The following SCTR variants were observed in gnomAD, a reference collection of about 807,000 sequenced individuals.
The protein encoded by SCTR is pancreatic secretin receptor.
Under a neutral mutation model 60.8 loss-of-function variants are expected in SCTR, and 56 were observed. The ratio of observed to expected loss-of-function variants is 0.92; its 90% CI spans 0.74 to 1.15. SCTR has a LOEUF of 1.15. SCTR is among the 50% of genes most tolerant of loss of function. SCTR has a pLI of 0.00. For missense variants in SCTR, 562 were observed against 550.4 expected, an observed-to-expected ratio of 1.02 and a Z score of -0.21; for synonymous variants, 202 against 217.0, an observed-to-expected ratio of 0.93 and a Z score of 0.61.
chr2:119,446,838 T>G lies in SCTR; in HGVS notation c.1061A>C (p.His354Pro), dbSNP rs1317540956. Residue 354 changes from histidine (H) to proline (P), a missense_variant, in exon 11 of 13, where the codon CAC becomes CCC. Physicochemically the swap from His to Pro is moderately conservative, Grantham distance 77. Transcript: ENST00000019103. The stretch of plus-strand genomic sequence containing the variant: ...TGGGGAGAAGGCGAAGACGATGTAG[T>G]GGATGCCAAAGAGGGGGATCAGCAG... ...TLLLIPLFGI[H>P]YIVFAFSPED... 1 of 1,582,792 alleles carries G rather than the reference T, an allele frequency of 6.3e-7. No homozygotes were observed. The highest frequency in any genetic ancestry group is 2.3e-5 in the East Asian group (1 of 42,642).
At chr2:119,441,289 T>G (rs1403852172) in intron 12 of SCTR, among the ~76,000 whole-genome samples, 1 of 152,222 alleles carries the variant, frequency 6.6e-6, no homozygotes, top group African/African-American at 2.4e-5. Flanking sequence ...AAAAAACACT[T>G]TCTCAGACCC....
chr2:119,494,923 T>C (rs1422315924), intron 1 of SCTR, among the ~76,000 whole-genome samples: 4 of 152,180 alleles, frequency 2.6e-5, no homozygotes, highest in African/African-American at 9.7e-5. Flanking sequence ...GTGTTTTTTG[T>C]TTTCTTTGGT....
At chr2:119,490,531 CAT>C (rs993620083) in intron 2 of SCTR, among the ~76,000 whole-genome samples, 2 of 152,238 alleles carry the variant, frequency 1.3e-5, no homozygotes, top group African/African-American at 4.8e-5. Context: ...TCTAAAACTA[CAT>C]GTGTGATTTT....
intron 7 of SCTR, among the ~76,000 whole-genome samples, chr2:119,457,749 A>G (rs77166287): frequency 0.16 from 24,843 of 152,164 alleles, 2,182 homozygotes; most frequent in East Asian, 0.3. Context: ...CTTATCTTCC[A>G]TCATGTGGAG....
At chr2:119,480,059 A>G (rs1677531709) in intron 2 of SCTR, among the ~76,000 whole-genome samples, 1 of 152,254 alleles carries the variant, frequency 6.6e-6, no homozygotes, top group Non-Finnish European at 1.5e-5. Flanking sequence ...ATTCTCGTCC[A>G]TAGGCACAAT....
Position 119,461,842 on chromosome 2 carries a change from C to T in SCTR, c.790+5G>A, listed in dbSNP as rs1490122673. 3 of 1,608,652 alleles carry T rather than the reference C, an allele frequency of 1.9e-6. No individual in the cohort carries two copies. In the African/African-American group the frequency reaches 4.0e-5, roughly 22 times the overall value. On this transcript the variant is annotated splice_donor_5th_base_variant and intron_variant, in intron 7 of 12. Coordinates refer to ENST00000019103, the MANE Select transcript of SCTR (RefSeq NM_002980.3). ...TGCAGATATCAGACCCAGGGAGAAACATACCCCATCCGAATGCCACAAATC... is the reference window on the plus strand; with the variant it reads ...TGCAGATATCAGACCCAGGGAGAAATATACCCCATCCGAATGCCACAAATC...
At chr2:119,442,411 C>T (rs1443432230) in intron 11 of SCTR, among the ~76,000 whole-genome samples, 1 of 152,218 alleles carries the variant, frequency 6.6e-6, no homozygotes, top group Non-Finnish European at 1.5e-5. Flanking sequence ...CCTTCTCTCC[C>T]TTACGGGCCT....
chr2:119,496,366 CTG>C (rs1678345580), intron 1 of SCTR, among the ~76,000 whole-genome samples: 4 of 152,178 alleles, frequency 2.6e-5, no homozygotes, highest in Admixed American at 2.6e-4. Flanking sequence ...GGCCAACTAA[CTG>C]TACTTCTGGG....
intron 2 of SCTR, among the ~76,000 whole-genome samples, chr2:119,483,748 A>G (rs1199604346): frequency 6.6e-6 from 1 of 152,200 alleles, no homozygotes; most frequent in African/African-American, 2.4e-5. Context: ...AGTTTTTTAA[A>G]AGTCCATTGA....
At chr2:119,461,774 C>T (rs1363653044) in intron 7 of SCTR, 73 bp downstream of exon 7, 4 of 1,300,210 alleles carry the variant, frequency 3.1e-6, no homozygotes, top group Non-Finnish European at 2.1e-6. Context: ...AACTAAAAGC[C>T]GAACCCTCCG....
intron 7 of SCTR, among the ~76,000 whole-genome samples, chr2:119,458,074 A>C (rs1558843166): frequency 6.6e-6 from 1 of 151,754 alleles, no homozygotes; most frequent in African/African-American, 2.4e-5. Context: ...CAGGAGGATC[A>C]CTTGAGGCCA....
At chr2:119,464,603 G>T (rs1683755515) in intron 5 of SCTR, among the ~76,000 whole-genome samples, 1 of 152,162 alleles carries the variant, frequency 6.6e-6, no homozygotes, top group South Asian at 2.1e-4. Context: ...TTTTTAATTA[G>T]CTGGGCATGG....
At chr2:119,477,882 A>G (rs1677404361) in intron 3 of SCTR, among the ~76,000 whole-genome samples, 1 of 152,236 alleles carries the variant, frequency 6.6e-6, no homozygotes, top group Admixed American at 6.5e-5. Context: ...CATTTCCCCC[A>G]GTTCCCATAG....
chr2:119,500,182 G>A (rs1235072843), intron 1 of SCTR, among the ~76,000 whole-genome samples: 2 of 149,120 alleles, frequency 1.3e-5, no homozygotes, highest in East Asian at 2.0e-4. Context: ...AAACTAAAAA[G>A]TGTAGTCCTA....
chr2:119,445,351 A>G (rs948953683), intron 11 of SCTR, among the ~76,000 whole-genome samples: 1 of 152,220 alleles, frequency 6.6e-6, no homozygotes, highest in African/African-American at 2.4e-5. Context: ...CCGAGAGGAA[A>G]AGAATCCTGG....
In SCTR at chr2:119,441,574, C is replaced by G; in HGVS notation, c.1166G>C (p.Cys389Ser). The G allele has an allele frequency of 6.2e-7, 1 of 1,613,080 alleles. No homozygotes were observed. The highest frequency in any genetic ancestry group is 8.5e-7 in the Non-Finnish European group (1 of 1,179,440). ...FQGLVVAVLY[C>S]FLNGEVQLEV... ...ACTACTCACCTCCCCATTGAGGAAG[C>G]AGTAGAGGACGGCCACCACCAGTCC... The change falls in exon 12 of 13, where the codon TGC (cysteine) becomes TCC (serine). Residue 389 changes from cysteine (C) to serine (S), a missense_variant. Cys to Ser is a moderately radical substitution (Grantham distance 112). Coordinates refer to ENST00000019103, the MANE Select transcript of SCTR (RefSeq NM_002980.3).
chr2:119,455,914 C>A (rs961178985), intron 7 of SCTR, among the ~76,000 whole-genome samples: 1 of 152,138 alleles, frequency 6.6e-6, no homozygotes, highest in Non-Finnish European at 1.5e-5. Context: ...CAGCACATCC[C>A]TGTGACATTT....
At chr2:119,483,928 T>C (rs1050933381) in intron 2 of SCTR, among the ~76,000 whole-genome samples, 3 of 151,782 alleles carry the variant, frequency 2.0e-5, no homozygotes, top group African/African-American at 7.3e-5. Context: ...CAGACTCCAC[T>C]CCGGGACTCC....
chr2:119,483,340 T>C (rs1677716673), intron 2 of SCTR, among the ~76,000 whole-genome samples: 1 of 152,172 alleles, frequency 6.6e-6, no homozygotes. Flanking sequence ...AAGTGAGAAG[T>C]GTGGGTGACA....
Sources: gnomAD v4.1 joint callset for allele counts (sites outside exome capture counted in the v4.1 genomes callset) on GRCh38, gnomAD v4.1.1 for gene constraint, MANE v1.5 for transcripts, NCBI Gene and HGNC (gene_info 2026-07-23, HGNC 2026-07-21) for gene names.